RAB33A: variants seen among roughly 807,000 people sequenced by gnomAD.
RAB33A encodes ras-related protein Rab-33A.
Under a neutral mutation model 12.0 loss-of-function variants are expected in RAB33A, and 6 were observed. That is an observed-to-expected ratio of 0.50 (90% CI 0.27 to 0.99). The LOEUF (loss-of-function observed/expected upper bound fraction) is 0.99, where lower values mean the gene tolerates loss of function less well. Ranked by LOEUF, RAB33A falls within the 50% of genes least tolerant of loss-of-function variation. The pLI, the probability that RAB33A is intolerant of heterozygous loss-of-function variation, is 0.11. For missense variants in RAB33A, 109 were observed against 192.0 expected, an observed-to-expected ratio of 0.57 and a Z score of 2.55; for synonymous variants, 70 against 82.4, an observed-to-expected ratio of 0.85 and a Z score of 0.81.
chrX:130,145,539 G>C, the RAB33A span: 1 of 1,208,071 alleles, frequency 8.3e-7, no homozygotes, highest in South Asian at 1.8e-5. Flanking sequence ...CCTGAGCAGA[G>C]ACATAGAAAG....
At chrX:130,148,324 G>A in the RAB33A span, among the ~76,000 whole-genome samples, 1 of 111,046 alleles carries the variant, frequency 9.0e-6, no homozygotes, top group Admixed American at 9.6e-5. Flanking sequence ...AAGAATAAGG[G>A]GGTGCTTTTG....
the RAB33A span, among the ~76,000 whole-genome samples, chrX:130,121,252 CTTTTT>C: frequency 3.2e-5 from 3 of 94,760 alleles, no homozygotes; most frequent in East Asian, 3.2e-4. Flanking sequence ...CTTTTCTTTT[CTTTTT>C]TTTTTTTTTT....
At chrX:130,147,584 G>T in the RAB33A span, 1 of 1,211,873 alleles carries the variant, frequency 8.3e-7, no homozygotes, top group East Asian at 3.0e-5. Context: ...AGAGGAGGTC[G>T]CATGTACGGC....
At chrX:130,152,213 T>C in the RAB33A span, among the ~76,000 whole-genome samples, 1 of 111,916 alleles carries the variant, frequency 8.9e-6, no homozygotes, top group Non-Finnish European at 1.9e-5. Flanking sequence ...ACAGGGGCCA[T>C]GTTCATTGAG....
the RAB33A span, chrX:130,165,968 G>A: frequency 2.9e-6 from 1 of 342,337 alleles, no homozygotes; most frequent in Non-Finnish European, 5.3e-6. Context: ...CTAGGTAGCC[G>A]GTTTTCGCGA....
chrX:130,170,113 AG>A (rs2124684458), upstream of RAB33A, among the ~76,000 whole-genome samples: 1 of 112,718 alleles, frequency 8.9e-6, no homozygotes, highest in African/African-American at 3.2e-5. Context: ...AGTATAATGT[AG>A]GGTTTTAGAA....
chrX:130,171,049 C>T (rs1281443383), upstream of RAB33A, among the ~76,000 whole-genome samples: 1 of 113,269 alleles, frequency 8.8e-6, no homozygotes, highest in African/African-American at 3.2e-5. Flanking sequence ...CCTGAACATT[C>T]AGAGGATGGG....
intron 1 of RAB33A, among the ~76,000 whole-genome samples, chrX:130,174,189 A>C (rs1456924517): frequency 8.9e-6 from 1 of 112,537 alleles, no homozygotes; most frequent in Non-Finnish European, 1.9e-5. Context: ...ACTTTTTCCC[A>C]GAGGGCAGAG....
chrX:130,148,139 T>C, the RAB33A span, among the ~76,000 whole-genome samples: 1 of 112,134 alleles, frequency 8.9e-6, no homozygotes, highest in African/African-American at 3.2e-5. Context: ...TACTAGGACA[T>C]AGCTTAAATA....
At chrX:130,117,507 T>C in the RAB33A span, among the ~76,000 whole-genome samples, 1,188 of 110,538 alleles carry the variant, frequency 0.011, 10 homozygotes, top group Middle Eastern at 0.037. Context: ...GAGGGCCCTC[T>C]GGGATGGTGG....
the RAB33A span, among the ~76,000 whole-genome samples, chrX:130,133,795 A>AT: frequency 3.1e-3 from 308 of 99,829 alleles, no homozygotes; most frequent in Non-Finnish European, 3.0e-3. Context: ...GCCTGGCTAA[A>AT]TTTTTTTTTT....
the RAB33A span, among the ~76,000 whole-genome samples, chrX:130,127,691 CTTTTTT>C: frequency 3.9e-5 from 3 of 77,040 alleles, no homozygotes; most frequent in African/African-American, 1.8e-4. Flanking sequence ...ATGAGTTTTC[CTTTTTT>C]TTTTTTTTTT....
chrX:130,149,636 C>A, the RAB33A span: 2 of 785,953 alleles, frequency 2.5e-6, no homozygotes, highest in South Asian at 4.2e-5. Context: ...GTAATATTAT[C>A]TTTCAATTAA....
chrX:130,142,376 G>A, the RAB33A span, among the ~76,000 whole-genome samples: 1 of 110,961 alleles, frequency 9.0e-6, no homozygotes, highest in Non-Finnish European at 1.9e-5. Context: ...CAACCCTCAC[G>A]GTGTTCGCTC....
At chrX:130,178,874 G>A (rs937000696) in intron 1 of RAB33A, among the ~76,000 whole-genome samples, 1 of 107,779 alleles carries the variant, frequency 9.3e-6, no homozygotes, top group African/African-American at 3.4e-5. Flanking sequence ...GGATGGTCTC[G>A]ATCTCCTGAC....
chrX:130,120,518 G>C, the RAB33A span, among the ~76,000 whole-genome samples: 1 of 112,243 alleles, frequency 8.9e-6, no homozygotes, highest in Non-Finnish European at 1.9e-5. Context: ...TGCGGGTCAA[G>C]AGCGCCATCC....
rs765590055 is a variant in RAB33A at position 130,182,801 on chromosome X, A to AT, written c.259-1480dup. On this transcript the variant is annotated intron_variant, in intron 1 of 1. Transcript: ENST00000257017. ...AAAAAAGAAAAATTCTGTATTCTGC[A>AT]TTTTCACTTACTTGTATTTTGTGAG... Among the ~76,000 whole-genome samples the AT allele has an allele frequency of 1.3e-4, 14 of 111,939 alleles. No individual in the cohort carries two copies. In the East Asian group the frequency reaches 3.6e-3, roughly 29 times the overall value.
chrX:130,160,883 A>AAAAT, the RAB33A span, among the ~76,000 whole-genome samples: 5,905 of 107,012 alleles, frequency 0.055, 172 homozygotes, highest in African/African-American at 0.058. Context: ...TCTCTACTTA[A>AAAAT]AAATAAATAA....
At chrX:130,166,677 C>T in the RAB33A span, among the ~76,000 whole-genome samples, 1 of 112,181 alleles carries the variant, frequency 8.9e-6, no homozygotes, top group Non-Finnish European at 1.9e-5. Flanking sequence ...GAGCACTTAC[C>T]TCTTGGATTG....
Sources: gnomAD v4.1 joint callset for allele counts (sites outside exome capture counted in the v4.1 genomes callset) on GRCh38, gnomAD v4.1.1 for gene constraint, MANE v1.5 for transcripts, NCBI Gene and HGNC (gene_info 2026-07-23, HGNC 2026-07-21) for gene names.